Variants in STAU2 observed in about 807,000 individuals in gnomAD.
STAU2 encodes staufen double-stranded RNA binding protein 2.
In STAU2, 20 loss-of-function variants were observed where a neutral mutation model predicts 65.9. That is an observed-to-expected ratio of 0.30 (90% CI 0.21 to 0.44). The LOEUF (loss-of-function observed/expected upper bound fraction) is 0.44, where lower values mean the gene tolerates loss of function less well. Among genes scored for constraint, STAU2 ranks in the 20% least tolerant of loss-of-function variants. The pLI is 1.00. For synonymous variants in STAU2, 232 were observed against 233.9 expected (o/e 0.99, Z 0.07); for missense variants, 558 against 683.9 (o/e 0.82, Z 2.05).
chr8:73,443,145 G>A (rs1464917099), intron 13 of STAU2, among the ~76,000 whole-genome samples: 1 of 152,186 alleles, frequency 6.6e-6, no homozygotes, highest in Non-Finnish European at 1.5e-5. Flanking sequence ...TATTGCGAAT[G>A]TTTTTCCTCT....
At chr8:73,437,870 G>A (rs1817828867) in intron 13 of STAU2, among the ~76,000 whole-genome samples, 1 of 151,894 alleles carries the variant, frequency 6.6e-6, no homozygotes, top group Admixed American at 6.6e-5. Context: ...AGCAGGATCA[G>A]GCCACCTCCC....
chr8:73,721,732 T>C (rs34656030), intron 3 of STAU2, among the ~76,000 whole-genome samples: 5,146 of 152,314 alleles, frequency 0.034, 106 homozygotes, highest in Non-Finnish European at 0.055. Context: ...TCCAAGTTGC[T>C]TTTGACTAGG....
chr8:73,601,354 T>C (rs1317115551), intron 10 of STAU2, among the ~76,000 whole-genome samples: 1 of 152,204 alleles, frequency 6.6e-6, no homozygotes, highest in Non-Finnish European at 1.5e-5. Flanking sequence ...AAGATTAAAA[T>C]ACTCCTCACC....
chr8:73,661,653 T>A (rs1816841937), intron 6 of STAU2, among the ~76,000 whole-genome samples: 1 of 152,206 alleles, frequency 6.6e-6, no homozygotes, highest in Admixed American at 6.5e-5. Context: ...ACGGATTAGT[T>A]TCGCCTATTC....
At chr8:73,717,153 G>A (rs7844179) in intron 3 of STAU2, among the ~76,000 whole-genome samples, 5 of 151,796 alleles carry the variant, frequency 3.3e-5, no homozygotes, top group African/African-American at 9.7e-5. Context: ...AACAAAGTTG[G>A]AGCAAATGGA....
intron 6 of STAU2, among the ~76,000 whole-genome samples, chr8:73,648,011 T>C (rs933185970): frequency 1.1e-4 from 16 of 152,190 alleles, no homozygotes; most frequent in African/African-American, 2.9e-4. Flanking sequence ...GTCTGTAAAA[T>C]GTAACCAATG....
intron 12 of STAU2, among the ~76,000 whole-genome samples, chr8:73,560,014 A>G (rs530950181): frequency 6.0e-4 from 92 of 152,218 alleles, no homozygotes; most frequent in African/African-American, 2.1e-3. Flanking sequence ...TCTTAAGATC[A>G]GTTTCAGAAT....
intron 13 of STAU2, among the ~76,000 whole-genome samples, chr8:73,497,515 A>G (rs920829458): frequency 6.6e-6 from 1 of 151,714 alleles, no homozygotes; most frequent in Non-Finnish European, 1.5e-5. Flanking sequence ...GTGATATAAA[A>G]GCTGATACTC....
chr8:73,567,572 G>A (rs1808706283), intron 12 of STAU2, among the ~76,000 whole-genome samples: 1 of 147,190 alleles, frequency 6.8e-6, no homozygotes, highest in South Asian at 2.1e-4. Flanking sequence ...TTTTTAAGAT[G>A]AAGTCTCACT....
chr8:73,552,047 GT>G lies in STAU2; in HGVS notation c.1494del (p.Lys498AsnfsTer6). Reference sequence around the variant, plus strand: ...TGAATCCTTGCTAAATATTCCAGTTGTTTTGAAGGTTGTACTGGAGAACAAG... The same window carrying G: ...TGAATCCTTGCTAAATATTCCAGTTGTTTGAAGGTTGTACTGGAGAACAAG... ...TPPCSPVQPS[K>X]QLEYLARIQG... On this transcript the variant is annotated frameshift_variant, in exon 13 of 15. Transcript: ENST00000524300. LOFTEE classifies it high-confidence loss of function. 1 of 1,587,306 alleles carries G rather than the reference GT, an allele frequency of 6.3e-7. No homozygotes were observed. The highest frequency in any genetic ancestry group is 8.6e-7 in the Non-Finnish European group (1 of 1,166,854).
intron 13 of STAU2, among the ~76,000 whole-genome samples, chr8:73,491,407 C>T (rs1821147912): frequency 6.6e-6 from 1 of 151,904 alleles, no homozygotes; most frequent in Non-Finnish European, 1.5e-5. Context: ...TCAATAGTTG[C>T]CTATTTTCTC....
rs1199652764 is a variant in STAU2 at position 73,420,407 on chromosome 8, C to T, written c.*965G>A. On this transcript the variant is annotated 3_prime_UTR_variant, in exon 15 of 15. Coordinates refer to ENST00000524300, the MANE Select transcript of STAU2 (RefSeq NM_001164380.2). ...CAACCACATTTTTACTGCATCTGCT[C>T]CACGCTGGATTCCAACATGCTGGCC... 3.1e-6 allele frequency: 1 copy of T among 327,564 alleles called. No homozygotes were observed. The highest frequency in any genetic ancestry group is 6.1e-6 in the Non-Finnish European group (1 of 163,200). The allele number at this position is 327,564 out of a possible 1,614,324, so 20.3% of individuals were successfully genotyped here. A position where few individuals can be genotyped will look rare whatever the true frequency, so the allele number is the denominator to read the frequency against.
intron 13 of STAU2, among the ~76,000 whole-genome samples, chr8:73,516,122 T>A (rs184329899): frequency 6.6e-6 from 1 of 151,890 alleles, no homozygotes; most frequent in East Asian, 1.9e-4. Context: ...GTATTTTCTG[T>A]AGAGATGGGG....
chr8:73,530,150 A>G (rs1318860393), intron 13 of STAU2, among the ~76,000 whole-genome samples: 8 of 152,188 alleles, frequency 5.3e-5, no homozygotes, highest in Non-Finnish European at 1.2e-4. Flanking sequence ...ATGGAACAGA[A>G]CCATCATGCC....
intron 5 of STAU2, among the ~76,000 whole-genome samples, chr8:73,674,046 A>G (rs1217191666): frequency 2.0e-5 from 3 of 151,194 alleles, no homozygotes; most frequent in Non-Finnish European, 4.4e-5. Context: ...TGTGCTTTAT[A>G]TTATCTTTTG....
intron 6 of STAU2, among the ~76,000 whole-genome samples, chr8:73,650,107 G>C (rs1250917758): frequency 2.6e-5 from 4 of 151,668 alleles, no homozygotes; most frequent in Non-Finnish European, 5.9e-5. Context: ...ATATGATGGG[G>C]ATAACTGAAT....
At chr8:73,718,524 A>G (rs1324851553) in intron 3 of STAU2, among the ~76,000 whole-genome samples, 4 of 152,232 alleles carry the variant, frequency 2.6e-5, no homozygotes, top group African/African-American at 9.7e-5. Context: ...GTTTGATCCC[A>G]GCTGGGTATA....
At chr8:73,641,629 C>A (rs1814976619) in intron 6 of STAU2, among the ~76,000 whole-genome samples, 1 of 152,146 alleles carries the variant, frequency 6.6e-6, no homozygotes, top group Non-Finnish European at 1.5e-5. Context: ...TTATATACAT[C>A]TCTAGAAGAT....
intron 13 of STAU2, chr8:73,551,619 T>A (rs1807340235): frequency 2.0e-6 from 2 of 991,878 alleles, no homozygotes; most frequent in Admixed American, 1.2e-4. Flanking sequence ...AGAAACTCAA[T>A]CCTTATGTAA....
Sources: allele counts gnomAD v4.1 joint callset (sites outside exome capture counted in the v4.1 genomes callset), GRCh38; gene constraint gnomAD v4.1.1; transcripts MANE v1.5; gene names NCBI Gene and HGNC (gene_info 2026-07-23, HGNC 2026-07-21).